The following CORO2B variants were observed in gnomAD, a reference collection of about 807,000 sequenced individuals.
CORO2B encodes coronin-2B.
A neutral mutation model predicts 58.8 loss-of-function variants in CORO2B; 26 were observed. The ratio of observed to expected loss-of-function variants is 0.44; its 90% CI spans 0.32 to 0.61. CORO2B has a LOEUF of 0.61. CORO2B is among the 20% of genes least tolerant of loss of function. The pLI is 0.04. For missense variants in CORO2B, 460 were observed against 645.1 expected (o/e 0.71, Z 3.11); for synonymous variants, 242 against 253.8 (o/e 0.95, Z 0.44).
intron 1 of CORO2B, among the ~76,000 whole-genome samples, chr15:68,643,067 C>G (rs986696373): frequency 6.6e-6 from 1 of 152,240 alleles, no homozygotes; most frequent in African/African-American, 2.4e-5. Flanking sequence ...CTTTTTAAAA[C>G]TTAGCCACAT....
At chr15:68,714,741 C>T (rs1892992866) in intron 7 of CORO2B, 78 bp downstream of exon 7, 1 of 1,114,004 alleles carries the variant, frequency 9.0e-7, no homozygotes, top group Non-Finnish European at 1.3e-6. Context: ...CCTGCCCCAC[C>T]CCCTGGAGAG....
intron 1 of CORO2B, among the ~76,000 whole-genome samples, chr15:68,627,340 A>G (rs1460649904): frequency 6.6e-6 from 1 of 152,242 alleles, no homozygotes; most frequent in African/African-American, 2.4e-5. Context: ...GCACCAGGGC[A>G]GGGCAACTTG....
chr15:68,551,427 T>C, the CORO2B span, among the ~76,000 whole-genome samples: 2 of 152,144 alleles, frequency 1.3e-5, no homozygotes, highest in Admixed American at 6.5e-5. Context: ...CCCACTGGGC[T>C]GTGGGTGAAG....
intron 1 of CORO2B, among the ~76,000 whole-genome samples, chr15:68,585,963 C>T (rs139153258): frequency 7.4e-4 from 113 of 152,328 alleles, no homozygotes; most frequent in African/African-American, 2.6e-3. Context: ...GTTCAGAGAA[C>T]GCAGGTCCCT....
intron 2 of CORO2B, among the ~76,000 whole-genome samples, chr15:68,677,073 C>A (rs999129661): frequency 2.0e-5 from 3 of 152,184 alleles, no homozygotes; most frequent in African/African-American, 7.2e-5. Context: ...GGTGCCCAGT[C>A]CAAGACCTGT....
chr15:68,554,615 C>T, the CORO2B span, among the ~76,000 whole-genome samples: 3 of 152,212 alleles, frequency 2.0e-5, no homozygotes, highest in South Asian at 6.2e-4. Context: ...CTGTTGCCCA[C>T]TCCCCACATG....
chr15:68,702,821 CTTTTTTTTTTTT>C (rs113249272), intron 3 of CORO2B, among the ~76,000 whole-genome samples: 4 of 96,250 alleles, frequency 4.2e-5, no homozygotes, highest in East Asian at 2.7e-4. Flanking sequence ...TTTTCTTTTT[CTTTTTTTTTTTT>C]TTTTTTTTTT....
chr15:68,686,038 C>CT (rs1236025227), intron 2 of CORO2B, among the ~76,000 whole-genome samples: 33 of 68,360 alleles, frequency 4.8e-4, no homozygotes, highest in African/African-American at 1.3e-3. Flanking sequence ...TTTTTTTTTT[C>CT]TTTTTTTTTT....
At chr15:68,612,136 G>A (rs150444784) in intron 1 of CORO2B, among the ~76,000 whole-genome samples, 17 of 152,266 alleles carry the variant, frequency 1.1e-4, no homozygotes, top group South Asian at 2.1e-4. Flanking sequence ...ATTGTTTATC[G>A]GAGTAGATTC....
intron 2 of CORO2B, among the ~76,000 whole-genome samples, chr15:68,673,870 C>T (rs1902486654): frequency 6.6e-6 from 1 of 151,066 alleles, no homozygotes; most frequent in African/African-American, 2.4e-5. Flanking sequence ...GACAGTGTCC[C>T]GCTAAGACCC....
chr15:68,528,689 GT>G, the CORO2B span, among the ~76,000 whole-genome samples: 13,689 of 117,840 alleles, frequency 0.12, 463 homozygotes, highest in Middle Eastern at 0.17. Flanking sequence ...TTTTCTGAGT[GT>G]TTTTTTTTTT....
intron 1 of CORO2B, among the ~76,000 whole-genome samples, chr15:68,594,468 T>C (rs1027382833): frequency 6.6e-5 from 10 of 152,184 alleles, no homozygotes; most frequent in African/African-American, 2.4e-4. Context: ...GAAGGTGCTA[T>C]CTTGTATCTC....
intron 1 of CORO2B, among the ~76,000 whole-genome samples, chr15:68,601,227 A>AGTGCCAAGCTCT (rs1899973371): frequency 6.6e-6 from 1 of 152,158 alleles, no homozygotes; most frequent in Admixed American, 6.6e-5. Flanking sequence ...TCTTGGCTTG[A>AGTGCCAAGCTCT]GTGCCAAGCT....
At chr15:68,577,550 C>T (rs2140548942), upstream of CORO2B, among the ~76,000 whole-genome samples, 1 of 151,940 alleles carries the variant, frequency 6.6e-6, no homozygotes, top group Non-Finnish European at 1.5e-5. Context: ...GGTGAAACCC[C>T]GTCTCTAATA....
intron 5 of CORO2B, 114 bp downstream of exon 5, chr15:68,711,820 C>T: frequency 8.2e-7 from 1 of 1,216,568 alleles, no homozygotes; most frequent in Non-Finnish European, 1.2e-6. Context: ...GTGCATCTCA[C>T]TGCACCTCTG....
intron 2 of CORO2B, among the ~76,000 whole-genome samples, chr15:68,692,782 C>T (rs1030950085): frequency 4.6e-5 from 7 of 151,000 alleles, no homozygotes; most frequent in Non-Finnish European, 8.9e-5. Flanking sequence ...TACAGGTGCC[C>T]ACCACCATGC....
At chr15:68,556,313 C>CT in the CORO2B span, among the ~76,000 whole-genome samples, 1 of 152,180 alleles carries the variant, frequency 6.6e-6, no homozygotes, top group African/African-American at 2.4e-5. Context: ...TGTGGCAGGG[C>CT]TCCCCCAGGC....
chr15:68,565,581 A>T, the CORO2B span, among the ~76,000 whole-genome samples: 1 of 151,904 alleles, frequency 6.6e-6, no homozygotes, highest in Non-Finnish European at 1.5e-5. Flanking sequence ...CTCTGTCTGC[A>T]TTTCTTTTCC....
chr15:68,587,281 A>G (rs1899592056), intron 1 of CORO2B, among the ~76,000 whole-genome samples: 1 of 152,276 alleles, frequency 6.6e-6, no homozygotes, highest in African/African-American at 2.4e-5. Flanking sequence ...GATGTTTTAC[A>G]TGGTGTTCAT....
Sources: allele counts gnomAD v4.1 joint callset (sites outside exome capture counted in the v4.1 genomes callset), GRCh38; gene constraint gnomAD v4.1.1; transcripts MANE v1.5; gene names NCBI Gene and HGNC (gene_info 2026-07-23, HGNC 2026-07-21).